The following SNHG17 variants were observed in gnomAD, a reference collection of about 807,000 sequenced individuals.
SNHG17 encodes the protein small nucleolar RNA host gene 17.
chr20:38,432,339 T>C (rs2084353592), intron 2 of SNHG17, among the ~76,000 whole-genome samples: 2 of 152,180 alleles, frequency 1.3e-5, no homozygotes, highest in South Asian at 2.1e-4. Flanking sequence ...AAGGGGACTC[T>C]GAACCTAGGA....
intron 1 of SNHG17, chr20:38,434,928 A>T (rs1176715667): frequency 2.4e-6 from 3 of 1,225,138 alleles, no homozygotes; most frequent in Non-Finnish European, 3.0e-6. Flanking sequence ...CCCGCCATCC[A>T]GGGGCACTAA....
In SNHG17 at chr20:38,432,535, A is replaced by G. The variant is rs147026337; in HGVS notation, n.309-1423T>C. Among the ~76,000 whole-genome samples, 30 of 152,284 alleles carry G rather than the reference A, an allele frequency of 2.0e-4. 1 individual carries two copies. In the East Asian group the frequency reaches 5.4e-3, roughly 28 times the overall value. On this transcript the variant is annotated intron_variant and non_coding_transcript_variant, in intron 2 of 8. Transcript: ENST00000654008. ...ATCACAATGACAATCCTGTGGGGAA[A>G]TTAATCCTGGTGGCCCACGGACAAG...
At chr20:38,435,196 C>A (rs1387262592) in intron 1 of SNHG17, 1 of 1,232,026 alleles carries the variant, frequency 8.1e-7, no homozygotes, top group Non-Finnish European at 1.0e-6. Context: ...TGTGGACTCA[C>A]CCGGCGCCCT....
chr20:38,421,039 G>C (rs2084149336), exon 7 of SNHG17: 5 of 152,200 alleles, frequency 3.3e-5, no homozygotes, highest in African/African-American at 1.2e-4. Context: ...CCAGATCCCA[G>C]ATCACCAACT....
intron 2 of SNHG17, among the ~76,000 whole-genome samples, chr20:38,431,544 G>A (rs2084342005): frequency 6.6e-6 from 1 of 152,170 alleles, no homozygotes; most frequent in Non-Finnish European, 1.5e-5. Flanking sequence ...GCCCCAACCA[G>A]GAGAAGTAAA....
At chr20:38,434,316 G>A (rs1159631698) in intron 2 of SNHG17, among the ~76,000 whole-genome samples, 1 of 152,222 alleles carries the variant, frequency 6.6e-6, no homozygotes, top group Non-Finnish European at 1.5e-5. Flanking sequence ...GTCAACCTCA[G>A]GGGAATGAAG....
intron 5 of SNHG17, among the ~76,000 whole-genome samples, chr20:38,422,757 ACACACACG>A (rs920607775): frequency 1.3e-5 from 2 of 152,158 alleles, no homozygotes; most frequent in Admixed American, 1.3e-4. Flanking sequence ...ATACGCACAC[ACACACACG>A]CACACACAAC....
At chr20:38,426,590 C>T (rs924962002) in intron 3 of SNHG17, 1 of 150,710 alleles carries the variant, frequency 6.6e-6, no homozygotes, top group Non-Finnish European at 1.5e-5. Context: ...ACCTCTCAAT[C>T]GGGGTGGGAT....
chr20:38,428,966 C>G (rs2084293426), intron 3 of SNHG17: 1 of 152,150 alleles, frequency 6.6e-6, no homozygotes, highest in Admixed American at 6.5e-5. Context: ...TGGAAAACAC[C>G]AAATCTGCTC....
exon 1 of SNHG17, chr20:38,435,297 T>C (rs1021781263): frequency 4.1e-6 from 5 of 1,231,494 alleles, no homozygotes; most frequent in African/African-American, 3.1e-5. Flanking sequence ...TGGCGTGCGA[T>C]GGCGAAGGAC....
At chr20:38,427,878 G>C (rs2122706879) in intron 3 of SNHG17, 1 of 153,302 alleles carries the variant, frequency 6.5e-6, no homozygotes, top group African/African-American at 2.4e-5. Flanking sequence ...TGCGTGCTAG[G>C]CAGGTGGTGT....
chr20:38,425,741 AG>A (rs759701383), intron 5 of SNHG17, among the ~76,000 whole-genome samples: 73 of 152,298 alleles, frequency 4.8e-4, no homozygotes, highest in Non-Finnish European at 9.4e-4. Flanking sequence ...TCACTGGATT[AG>A]GAAGTCAGGG....
At chr20:38,429,895 T>C (rs2084315161) in intron 3 of SNHG17, 3 of 470,370 alleles carry the variant, frequency 6.4e-6, no homozygotes, top group South Asian at 3.2e-5. Context: ...GACAGGGCAA[T>C]GAGCAGACTT....
intron 5 of SNHG17, among the ~76,000 whole-genome samples, chr20:38,424,301 C>T (rs2084208450): frequency 6.6e-6 from 1 of 152,032 alleles, no homozygotes; most frequent in Non-Finnish European, 1.5e-5. Flanking sequence ...GAGAGCCCCG[C>T]ACCTACCATC....
intron 2 of SNHG17, chr20:38,432,247 G>C (rs73905617): frequency 2.5e-6 from 2 of 808,030 alleles, no homozygotes; most frequent in Non-Finnish European, 3.0e-6. Context: ...AGTTCATCTA[G>C]AGAAGAACCA....
At chr20:38,432,374 G>A (rs1045716599) in intron 2 of SNHG17, among the ~76,000 whole-genome samples, 4 of 152,114 alleles carry the variant, frequency 2.6e-5, no homozygotes, top group Admixed American at 1.3e-4. Context: ...GCACACCAGC[G>A]TGGCGCAGTC....
intron 2 of SNHG17, among the ~76,000 whole-genome samples, chr20:38,433,426 T>C (rs938282762): frequency 6.6e-6 from 1 of 152,100 alleles, no homozygotes; most frequent in Non-Finnish European, 1.5e-5. Flanking sequence ...GGAAAATCAC[T>C]TGAAGCCAGG....
rs915525602 is a variant in SNHG17, at chr20:38,435,230, TGACA to T, written n.148_151del. On this transcript the variant is annotated non_coding_transcript_exon_variant, in exon 1 of 9. Coordinates refer to ENST00000654008, the Ensembl canonical transcript of SNHG17. ...CTGGCGTCGAGTGGCGGCGGAGACC[TGACA>T]GACAGCGTGGGAAAAATCAAGATGT... is the stretch of plus-strand genomic sequence containing the variant. 7.3e-6 allele frequency: 9 copies of T among 1,231,978 alleles called. No homozygotes were observed. The African/African-American group carries it at 7.7e-5, about 11-fold the overall frequency. 76.3% of individuals were successfully genotyped at this position (1,231,978 alleles called of 1,614,324 possible).
At chr20:38,430,601 G>A (rs1486931071) in intron 3 of SNHG17, among the ~76,000 whole-genome samples, 4 of 152,108 alleles carry the variant, frequency 2.6e-5, no homozygotes, top group African/African-American at 7.2e-5. Flanking sequence ...TAGCCTGGGC[G>A]ACAGAGCAAG....
Sources: allele counts gnomAD v4.1 joint callset (sites outside exome capture counted in the v4.1 genomes callset), GRCh38; gene constraint gnomAD v4.1.1; transcripts MANE v1.5; gene names NCBI Gene and HGNC (gene_info 2026-07-23, HGNC 2026-07-21).